SNAPC4: variants seen among roughly 807,000 people sequenced by gnomAD.
SNAPC4 encodes the protein small nuclear RNA activating complex polypeptide 4, also known as snRNA-activating protein complex subunit 4.
A neutral mutation model predicts 151.3 loss-of-function variants in SNAPC4; 127 were observed. That is an observed-to-expected ratio of 0.84 (90% CI 0.73 to 0.97). SNAPC4 has a LOEUF of 0.97. Among genes scored for constraint, SNAPC4 ranks in the 50% least tolerant of loss-of-function variants. The pLI is 0.00. For missense variants in SNAPC4, 2,186 were observed against 1,935.0 expected, an observed-to-expected ratio of 1.13 and a Z score of -2.43; for synonymous variants, 1,002 against 824.4, an observed-to-expected ratio of 1.22 and a Z score of -3.69.
In SNAPC4 at chr9:136,383,319, G is replaced by A; in HGVS notation, c.1850C>T (p.Thr617Ile). The A allele has an allele frequency of 1.9e-6, 3 of 1,611,820 alleles. No individual in the cohort carries two copies. The highest frequency in any genetic ancestry group is 2.5e-6 in the Non-Finnish European group (3 of 1,179,544). Residue 617 changes from threonine (T) to isoleucine (I), a missense_variant, in exon 16 of 24, where the codon ACA becomes ATA. Transcript: ENST00000684778. This position sits in a 1 kb window ranked among gnomAD's most constrained non-coding sequence, Gnocchi z 4.2. Reference sequence around the variant, plus strand: ...CGTCTCCTCTCCAGGAGCCGCGGCTGTGGTGGAAGCTTCCTTGCTGCCGCC... The same window carrying A: ...CGTCTCCTCTCCAGGAGCCGCGGCTATGGTGGAAGCTTCCTTGCTGCCGCC... ...SQGGSKEAST[T>I]AAAPGEETSP...
chr9:136,390,721 A>T (rs1834041151), intron 10 of SNAPC4, among the ~76,000 whole-genome samples: 1 of 152,104 alleles, frequency 6.6e-6, no homozygotes, highest in Non-Finnish European at 1.5e-5. Context: ...GAACTCAAAA[A>T]ATATGAAAAA....
chr9:136,393,617 C>T (rs577115890), intron 7 of SNAPC4, among the ~76,000 whole-genome samples: 7 of 152,356 alleles, frequency 4.6e-5, no homozygotes, highest in Non-Finnish European at 8.8e-5. Flanking sequence ...CTGAACCACA[C>T]CCCTCATCAT....
At position 136,394,557 on chromosome 9, in the gene SNAPC4, G is replaced by A. The variant is rs989092837; in HGVS notation, c.551-227C>T. 7.9e-5 allele frequency among the ~76,000 whole-genome samples: 12 copies of A among 152,244 alleles called. No homozygotes were observed. In the South Asian group the frequency reaches 1.0e-3, roughly 13 times the overall value. On this transcript the variant is annotated intron_variant, in intron 6 of 23. Coordinates refer to ENST00000684778, the MANE Select transcript of SNAPC4 (RefSeq NM_003086.4). ...GGGCTTTGCGGCCCAAGACAAGGGC[G>A]GGGAGACTGAGCCAGAGGGTGGGGT...
intron 2 of SNAPC4, among the ~76,000 whole-genome samples, chr9:136,397,996 T>C (rs1849214112): frequency 1.3e-5 from 2 of 152,114 alleles, no homozygotes; most frequent in South Asian, 2.1e-4. Context: ...TCAGAAGCTC[T>C]CTGGCTGGAG....
At position 136,379,056 on chromosome 9, in the gene SNAPC4, G is replaced by A. The variant is rs762125206; in HGVS notation, c.2771C>T (p.Ser924Phe). 2.4e-4 allele frequency: 389 copies of A among 1,588,366 alleles called. No homozygotes were observed. The highest frequency in any genetic ancestry group is 3.3e-4 in the Non-Finnish European group (382 of 1,168,148). ...AGGGGGCTGGAGGATCACAGACGAG[G>A]AGACCAGCAGCTGGGACGGGAGCAC... Reference protein sequence around the residue: ...PVVLPSQLLVSSSVILQPPLP... With the variant: ...PVVLPSQLLVFSSVILQPPLP... The change falls in exon 22 of 24, where the codon TCC (serine) becomes TTC (phenylalanine). Residue 924 changes from serine to phenylalanine, a missense_variant. Transcript: ENST00000684778.
chr9:136,384,924 CAAAAG>C, intron 13 of SNAPC4, 110 bp from the exon 14 acceptor site: 1 of 575,118 alleles, frequency 1.7e-6, no homozygotes, highest in Non-Finnish European at 3.1e-6. Flanking sequence ...GCGCAAGCAA[CAAAAG>C]AAAACTACAG....
At chr9:136,395,964 C>T (rs1414981351) in intron 3 of SNAPC4, among the ~76,000 whole-genome samples, 194 bp from the exon 4 acceptor site, 1 of 152,232 alleles carries the variant, frequency 6.6e-6, no homozygotes, top group African/African-American at 2.4e-5. Context: ...GCCTGTCACT[C>T]TCAAGGCGGC....
intron 7 of SNAPC4, 95 bp from the exon 8 acceptor site, chr9:136,392,872 G>A (rs1834131385): frequency 9.7e-7 from 1 of 1,026,306 alleles, no homozygotes; most frequent in Non-Finnish European, 1.5e-6. Flanking sequence ...TGTGAGCTCA[G>A]CAGAGATTCC....
intron 7 of SNAPC4, 110 bp from the exon 8 acceptor site, chr9:136,392,887 C>G: frequency 1.2e-6 from 1 of 826,928 alleles, no homozygotes; most frequent in Non-Finnish European, 1.9e-6. Flanking sequence ...GATTCCGAGC[C>G]TCCCTCACCC....
intron 10 of SNAPC4, among the ~76,000 whole-genome samples, chr9:136,391,659 A>C (rs1046369782): frequency 6.6e-5 from 10 of 152,360 alleles, no homozygotes; most frequent in African/African-American, 1.4e-4. Flanking sequence ...AGACAGAAGA[A>C]GACTAGAAAT....
chr9:136,395,270 C>A (rs757165140), intron 5 of SNAPC4, 28 bp downstream of exon 5: 19 of 1,607,146 alleles, frequency 1.2e-5, no homozygotes, highest in Non-Finnish European at 1.6e-5. Flanking sequence ...AGAGCCTTGC[C>A]GACAAGAGCA....
Position 136,383,768 on chromosome 9 carries a change from C to A in SNAPC4, c.1501-100G>T. On this transcript the variant is annotated intron_variant, in intron 15 of 23. Transcript: ENST00000684778. This position sits in a 1 kb window ranked among gnomAD's most constrained non-coding sequence, Gnocchi z 4.2. ...CTTTGGGGAGAGGCCCAAGCGGGGGCGCCTCCGGGGTCAAGAGCAGCCGCT... is the reference window on the plus strand; with the variant it reads ...CTTTGGGGAGAGGCCCAAGCGGGGGAGCCTCCGGGGTCAAGAGCAGCCGCT... The A allele has an allele frequency of 6.8e-7, 1 of 1,481,062 alleles. No homozygotes were observed. The highest frequency in any genetic ancestry group is 2.3e-5 in the East Asian group (1 of 44,026). 91.7% of individuals were successfully genotyped at this position (1,481,062 alleles called of 1,614,324 possible).
chr9:136,377,793 T>C lies in SNAPC4; in HGVS notation c.4034A>G (p.Gln1345Arg), dbSNP rs1833510240. Residue 1345 changes from glutamine to arginine, a missense_variant, in exon 22 of 24, where the codon CAA (glutamine) becomes CGA (arginine). Physicochemically the swap from Gln to Arg is conservative, Grantham distance 43. Transcript: ENST00000684778. ...CCCCCGCACCAGCCCCAGTGAGGCT[T>C]GCAGTGCTCCGGCCGGCCGCTCAGC... The part of the protein sequence containing the change: ...GEAERPAGAL[Q>R]ASLGLVRGQL... 6.2e-7 allele frequency: 1 copy of C among 1,611,908 alleles called. No individual in the cohort carries two copies. The highest frequency in any genetic ancestry group is 8.5e-7 in the Non-Finnish European group (1 of 1,179,676).
intron 14 of SNAPC4, among the ~76,000 whole-genome samples, chr9:136,384,383 C>T (rs1384732168): frequency 2.0e-5 from 3 of 152,216 alleles, no homozygotes; most frequent in East Asian, 3.9e-4. Flanking sequence ...GGGTGCTGCT[C>T]TCACAGGGCA....
Position 136,378,183 on chromosome 9 carries a change from G to A in SNAPC4, c.3644C>T (p.Ala1215Val). ...CCCCGGCGTCCCCCTTGGCTCAGTT[G>A]CTGGGATGACACCACCGAAGGCTGG... The part of the protein sequence containing the change: ...RLPAFGGVIP[A>V]TEPRGTPGSP... Residue 1215 changes from alanine (A) to valine (V), a missense_variant, in exon 22 of 24, where the codon GCA becomes GTA. Coordinates refer to ENST00000684778, the MANE Select transcript of SNAPC4 (RefSeq NM_003086.4). 6.2e-7 allele frequency: 1 copy of A among 1,612,002 alleles called. No individual in the cohort carries two copies.
intron 13 of SNAPC4, among the ~76,000 whole-genome samples, chr9:136,386,439 T>C (rs1301573621): frequency 1.3e-5 from 2 of 151,458 alleles, no homozygotes; most frequent in East Asian, 3.9e-4. Context: ...ACTTCATTTT[T>C]TTTTTTTTTT....
rs955419870 is a variant in SNAPC4 at position 136,388,323 on chromosome 9, C to T, written c.1123+121G>A. The T allele has an allele frequency of 1.5e-5, 15 of 999,930 alleles. No individual in the cohort carries two copies. In the African/African-American group the frequency reaches 2.3e-4, roughly 15 times the overall value. The allele number at this position is 999,930 out of a possible 1,614,324, so 61.9% of individuals were successfully genotyped here. ...ACCAAGAAGCGAACTGTGGAACAGCCAGGACTGTCTAAGCCCTCGTCTGTC... is the reference window on the plus strand; with the variant it reads ...ACCAAGAAGCGAACTGTGGAACAGCTAGGACTGTCTAAGCCCTCGTCTGTC... On this transcript the variant is annotated intron_variant, in intron 11 of 23. Transcript: ENST00000684778.
Position 136,381,956 on chromosome 9 carries a change from G to A in SNAPC4, c.2185C>T (p.Arg729Trp), listed in dbSNP as rs61731236. The change falls in exon 18 of 24, where the codon CGG becomes TGG. Residue 729 changes from arginine to tryptophan, a missense_variant. Physicochemically the swap from Arg to Trp is moderately radical, Grantham distance 101. Coordinates refer to ENST00000684778, the MANE Select transcript of SNAPC4 (RefSeq NM_003086.4). ...LRHRATQSGQ[R>W]RWRHALHRRL... ...CGGTGCAGAGCGTGTCTCCAGCGCCGCTGCCCACTCTGGGTGGCTCTGTGC... is the reference window on the plus strand; with the variant it reads ...CGGTGCAGAGCGTGTCTCCAGCGCCACTGCCCACTCTGGGTGGCTCTGTGC... The A allele has an allele frequency of 4.9e-4, 784 of 1,612,136 alleles. 5 individuals carry two copies. The African/African-American group carries it at 9.3e-3, about 19-fold the overall frequency.
At chr9:136,398,569 G>T in intron 1 of SNAPC4, 132 bp from the exon 2 acceptor site, 2 of 992,516 alleles carry the variant, frequency 2.0e-6, no homozygotes, top group Non-Finnish European at 1.5e-6. Flanking sequence ...CCCAGAGAAA[G>T]ATTAATAGGC....
Sources: gnomAD v4.1 joint callset for allele counts (sites outside exome capture counted in the v4.1 genomes callset) on GRCh38, gnomAD v4.1.1 for gene constraint, Gnocchi (gnomAD v3.1) non-coding constraint, MANE v1.5 for transcripts, NCBI Gene and HGNC (gene_info 2026-07-23, HGNC 2026-07-21) for gene names.